CACNG3: variants seen among roughly 807,000 people sequenced by gnomAD.
CACNG3 encodes the protein voltage-dependent calcium channel gamma-3 subunit.
A neutral mutation model predicts 28.5 loss-of-function variants in CACNG3; 3 were observed. The ratio of observed to expected loss-of-function variants is 0.11; its 90% CI spans 0.05 to 0.27. The LOEUF (loss-of-function observed/expected upper bound fraction) is 0.27. Ranked by LOEUF, CACNG3 falls within the 10% of genes least tolerant of loss-of-function variation. CACNG3 has a pLI of 1.00. For missense variants in CACNG3, 236 were observed against 414.4 expected, an observed-to-expected ratio of 0.57 and a Z score of 3.74; for synonymous variants, 174 against 162.2, an observed-to-expected ratio of 1.07 and a Z score of -0.55.
intron 1 of CACNG3, among the ~76,000 whole-genome samples, chr16:24,319,575 C>A: frequency 6.6e-6 from 1 of 151,376 alleles, no homozygotes; most frequent in Admixed American, 6.6e-5. Context: ...GGACAATAGG[C>A]ATGTGCCATG....
At chr16:24,332,306 A>G (rs2141374074) in intron 1 of CACNG3, among the ~76,000 whole-genome samples, 1 of 152,224 alleles carries the variant, frequency 6.6e-6, no homozygotes, top group South Asian at 2.1e-4. Context: ...ACAAAAGTAA[A>G]ATAAAAAGAT....
intron 2 of CACNG3, among the ~76,000 whole-genome samples, chr16:24,349,921 A>C (rs1262247297): frequency 6.6e-6 from 1 of 152,176 alleles, no homozygotes; most frequent in Non-Finnish European, 1.5e-5. Context: ...TTGACTAGAG[A>C]CTTCCACGAC....
chr16:24,328,434 T>C (rs1013347978), intron 1 of CACNG3, among the ~76,000 whole-genome samples: 1 of 149,326 alleles, frequency 6.7e-6, no homozygotes, highest in Non-Finnish European at 1.5e-5. Flanking sequence ...TTTGTCACCA[T>C]CCAACAAGAA....
intron 1 of CACNG3, among the ~76,000 whole-genome samples, chr16:24,322,666 T>C (rs1220944148): frequency 6.6e-6 from 1 of 152,206 alleles, no homozygotes; most frequent in African/African-American, 2.4e-5. Flanking sequence ...TTTCCCCTTC[T>C]GCTTCTCAAA....
chr16:24,315,394 A>G (rs1025383164), intron 1 of CACNG3, among the ~76,000 whole-genome samples: 8 of 150,064 alleles, frequency 5.3e-5, no homozygotes, highest in African/African-American at 2.0e-4. Context: ...TCTGATTACC[A>G]CCCTCAACCT....
intron 1 of CACNG3, among the ~76,000 whole-genome samples, chr16:24,271,049 A>T (rs1898684100): frequency 6.6e-6 from 1 of 152,212 alleles, no homozygotes; most frequent in Middle Eastern, 3.2e-3. Flanking sequence ...GGTCATGTAG[A>T]GCCCTGAAGG....
chr16:24,305,356 G>GTA (rs1899172514), intron 1 of CACNG3, among the ~76,000 whole-genome samples: 1 of 134,974 alleles, frequency 7.4e-6, no homozygotes, highest in East Asian at 2.0e-4. Context: ...GTGTGTGTGT[G>GTA]TGTGTGTGTG....
At chr16:24,298,970 A>T (rs1200809922) in intron 1 of CACNG3, among the ~76,000 whole-genome samples, 1 of 152,108 alleles carries the variant, frequency 6.6e-6, no homozygotes, top group Non-Finnish European at 1.5e-5. Context: ...TATCAACATG[A>T]CTCACCACTG....
intron 1 of CACNG3, among the ~76,000 whole-genome samples, chr16:24,317,614 G>GA (rs761954538): frequency 4.5e-5 from 3 of 66,006 alleles, no homozygotes; most frequent in African/African-American, 6.8e-5. Context: ...AAGAAAGAAA[G>GA]AAAGAAAGAA....
At chr16:24,303,418 G>C (rs769139743) in intron 1 of CACNG3, among the ~76,000 whole-genome samples, 2 of 151,780 alleles carry the variant, frequency 1.3e-5, no homozygotes, top group Non-Finnish European at 2.9e-5. Context: ...TTGAACTCCC[G>C]GACTCACGTG....
intron 1 of CACNG3, among the ~76,000 whole-genome samples, chr16:24,313,971 G>A (rs924074798): frequency 3.9e-5 from 6 of 152,026 alleles, no homozygotes; most frequent in East Asian, 1.9e-4. Context: ...TCTTGAACTC[G>A]TGGCCTCAAG....
intron 2 of CACNG3, among the ~76,000 whole-genome samples, chr16:24,347,563 G>T (rs1899886778): frequency 1.3e-5 from 2 of 152,176 alleles, no homozygotes; most frequent in African/African-American, 4.8e-5. Context: ...GTGATGTGAG[G>T]TGCTAATGGG....
intron 1 of CACNG3, among the ~76,000 whole-genome samples, chr16:24,297,300 A>G (rs1899045270): frequency 6.6e-6 from 1 of 151,836 alleles, no homozygotes; most frequent in Non-Finnish European, 1.5e-5. Flanking sequence ...ATAAATAAAT[A>G]AAAATACTGA....
intron 1 of CACNG3, among the ~76,000 whole-genome samples, chr16:24,328,064 A>G (rs899355645): frequency 1.3e-5 from 2 of 152,210 alleles, no homozygotes; most frequent in Admixed American, 6.5e-5. Flanking sequence ...GACAGTGGTG[A>G]GCAAGACAGA....
At chr16:24,321,074 G>A (rs547029188) in intron 1 of CACNG3, among the ~76,000 whole-genome samples, 73 of 152,240 alleles carry the variant, frequency 4.8e-4, no homozygotes, top group African/African-American at 1.6e-3. Flanking sequence ...TGAGTAGTGT[G>A]ATGAAATCTT....
At chr16:24,312,821 A>T (rs1899281299) in intron 1 of CACNG3, among the ~76,000 whole-genome samples, 1 of 151,444 alleles carries the variant, frequency 6.6e-6, no homozygotes, top group Non-Finnish European at 1.5e-5. Flanking sequence ...CTTGTCTGAA[A>T]AAAGGCAGGG....
chr16:24,270,660 A>T (rs552733840), intron 1 of CACNG3, among the ~76,000 whole-genome samples: 1 of 152,190 alleles, frequency 6.6e-6, no homozygotes, highest in Non-Finnish European at 1.5e-5. Flanking sequence ...CCCCAGGATG[A>T]TTTTCCAGTT....
At chr16:24,262,003 C>A (rs1396654842) in intron 1 of CACNG3, among the ~76,000 whole-genome samples, 1 of 152,122 alleles carries the variant, frequency 6.6e-6, no homozygotes, top group Non-Finnish European at 1.5e-5. Flanking sequence ...GTGCTAGGTG[C>A]TTTTGTACAT....
intron 2 of CACNG3, among the ~76,000 whole-genome samples, chr16:24,352,394 CA>C (rs1470360359): frequency 6.6e-6 from 1 of 152,124 alleles, no homozygotes; most frequent in African/African-American, 2.4e-5. Context: ...GCCAATCCAT[CA>C]GCGAATTCTG....
Sources: allele counts gnomAD v4.1 joint callset (sites outside exome capture counted in the v4.1 genomes callset), GRCh38; gene constraint gnomAD v4.1.1; transcripts MANE v1.5; gene names NCBI Gene and HGNC (gene_info 2026-07-23, HGNC 2026-07-21).